Variants in TRIM14 observed in about 807,000 individuals in gnomAD.
TRIM14 encodes the protein tripartite motif containing 14.
TRIM14 carries 28 observed loss-of-function variants against 44.5 expected under a neutral mutation model. The ratio of observed to expected loss-of-function variants is 0.63; its 90% CI spans 0.47 to 0.86. The LOEUF (loss-of-function observed/expected upper bound fraction) is 0.86. Among genes scored for constraint, TRIM14 ranks in the 40% least tolerant of loss-of-function variants. The probability of loss-of-function intolerance (pLI) is 0.00; values close to 1 mark genes in which losing one functional copy is unlikely to be tolerated. For missense variants in TRIM14, 607 were observed against 611.1 expected (o/e 0.99, Z 0.07); for synonymous variants, 299 against 269.2 (o/e 1.11, Z -1.08).
chr9:98,106,960 G>C (rs1826637514), intron 2 of TRIM14, among the ~76,000 whole-genome samples: 1 of 151,708 alleles, frequency 6.6e-6, no homozygotes, highest in Admixed American at 6.6e-5. Flanking sequence ...CTGAGTAGCT[G>C]GGACTACAGG....
chr9:98,117,060 T>C (rs1478140365), intron 1 of TRIM14, among the ~76,000 whole-genome samples: 1 of 152,134 alleles, frequency 6.6e-6, no homozygotes, highest in Non-Finnish European at 1.5e-5. Flanking sequence ...TTCCTGTTAT[T>C]AGATTCCAGC....
intron 3 of TRIM14, among the ~76,000 whole-genome samples, chr9:98,097,807 T>A (rs866181109): frequency 6.6e-6 from 1 of 152,208 alleles, no homozygotes; most frequent in Non-Finnish European, 1.5e-5. Context: ...AGCATGCTTC[T>A]CCATGGAAGG....
chr9:98,050,130 T>C, the TRIM14 span, among the ~76,000 whole-genome samples: 1 of 152,220 alleles, frequency 6.6e-6, no homozygotes, highest in Non-Finnish European at 1.5e-5. Flanking sequence ...CTACATTTGA[T>C]TGGCCCAAAC....
Position 98,085,214 on chromosome 9 carries a change from G to C in TRIM14, c.*2256C>G, listed in dbSNP as rs1397321865. On this transcript the variant is annotated 3_prime_UTR_variant, in exon 6 of 6. Transcript: ENST00000341469. ...CATCATGGGCAGTAGCTCCACGAGA[G>C]GGGCCAGAGCACCAGGCACTGGCCA... 6.6e-6 allele frequency: 1 copy of C among 152,282 alleles called. No homozygotes were observed. The highest frequency in any genetic ancestry group is 1.5e-5 in the Non-Finnish European group (1 of 68,090). The allele number at this position is 152,282 out of a possible 1,614,324, so 9.4% of individuals were successfully genotyped here. A position where few individuals can be genotyped will look rare whatever the true frequency, so the allele number is the denominator to read the frequency against.
chr9:98,056,662 A>C, the TRIM14 span: 1 of 1,212,018 alleles, frequency 8.3e-7, no homozygotes, highest in Non-Finnish European at 1.1e-6. Flanking sequence ...GGCGGGGCCT[A>C]GGGGATTGGC....
the TRIM14 span, among the ~76,000 whole-genome samples, chr9:98,055,946 G>A: frequency 2.0e-5 from 3 of 151,904 alleles, no homozygotes; most frequent in African/African-American, 7.3e-5. Flanking sequence ...CTCCATATTG[G>A]TCAGGCTGGT....
At chr9:98,078,073 G>T in intron 6 of TRIM14, 1 of 1,444,346 alleles carries the variant, frequency 6.9e-7, no homozygotes, top group Non-Finnish European at 9.5e-7. Flanking sequence ...GGCTGGCACA[G>T]TGTTTTAAGA....
At chr9:98,056,766 G>C in the TRIM14 span, 3 of 1,598,338 alleles carry the variant, frequency 1.9e-6, no homozygotes, top group Non-Finnish European at 2.6e-6. Context: ...GGCGGCGGCC[G>C]GACCCAGACT....
At chr9:98,083,199 G>T, downstream of TRIM14, 1 of 751,950 alleles carries the variant, frequency 1.3e-6, no homozygotes, top group South Asian at 1.8e-5. Context: ...GATGTTTCTG[G>T]GCTAGGCCCT....
At chr9:98,081,115 G>A, downstream of TRIM14, 1 of 1,609,642 alleles carries the variant, frequency 6.2e-7, no homozygotes, top group Non-Finnish European at 8.5e-7. Flanking sequence ...CGGTTCTGCT[G>A]CCGTGTGTGG....
intron 2 of TRIM14, among the ~76,000 whole-genome samples, chr9:98,106,667 C>CT (rs1554737694): frequency 6.6e-6 from 1 of 152,068 alleles, no homozygotes. Flanking sequence ...TTACAAAATG[C>CT]TGATGAAAGA....
the TRIM14 span, among the ~76,000 whole-genome samples, chr9:98,054,431 G>A: frequency 6.6e-6 from 1 of 152,148 alleles, no homozygotes. Context: ...AGTAAACCGA[G>A]ACCCCTGAAG....
At chr9:98,118,084 C>T (rs1277122867) in intron 1 of TRIM14, among the ~76,000 whole-genome samples, 2 of 152,038 alleles carry the variant, frequency 1.3e-5, no homozygotes, top group African/African-American at 2.4e-5. Context: ...GAAAGGCTCA[C>T]GATGGGGCTG....
intron 4 of TRIM14, among the ~76,000 whole-genome samples, chr9:98,094,500 G>A (rs1312740829): frequency 4.6e-5 from 7 of 152,216 alleles, no homozygotes; most frequent in South Asian, 4.1e-4. Flanking sequence ...CCAGGTGGGC[G>A]CAGCTGTGCC....
chr9:98,074,142 G>A (rs889994694), intron 6 of TRIM14, among the ~76,000 whole-genome samples: 2 of 152,190 alleles, frequency 1.3e-5, no homozygotes, highest in Non-Finnish European at 2.9e-5. Flanking sequence ...TTGGAACTCA[G>A]CTAAGTTGAT....
chr9:98,036,697 A>G, the TRIM14 span, among the ~76,000 whole-genome samples: 1 of 151,852 alleles, frequency 6.6e-6, no homozygotes, highest in African/African-American at 2.4e-5. Flanking sequence ...CCAGCTACTC[A>G]GGAGGCTGAG....
chr9:98,068,828 TAAAA>T (rs35363398), downstream of TRIM14, among the ~76,000 whole-genome samples: 1 of 143,118 alleles, frequency 7.0e-6, no homozygotes, highest in African/African-American at 2.5e-5. Context: ...ATCCTGTCTC[TAAAA>T]AAAAAAAAAA....
In TRIM14 at chr9:98,119,156, A is replaced by G; in HGVS notation, c.33T>C (p.Pro11=). ...ATCCCTCGACAAGCTCCGACCTCCC[A>G]GGGGTCCGGCTCCCGGTCGCCGCGC... MAGAATGSRT[P]GRSELVEGCG... Residue 11 remains proline, a synonymous_variant, in exon 1 of 6, where the codon CCT becomes CCC. Transcript: ENST00000341469. 1.3e-6 allele frequency: 2 copies of G among 1,582,432 alleles called. No individual in the cohort carries two copies. The highest frequency in any genetic ancestry group is 1.7e-6 in the Non-Finnish European group (2 of 1,174,006).
At chr9:98,058,108 G>T in the TRIM14 span, among the ~76,000 whole-genome samples, 1 of 151,588 alleles carries the variant, frequency 6.6e-6, no homozygotes, top group Non-Finnish European at 1.5e-5. Context: ...GTAGAGATGG[G>T]GTTTGGCCAT....
Sources: allele counts gnomAD v4.1 joint callset (sites outside exome capture counted in the v4.1 genomes callset), GRCh38; gene constraint gnomAD v4.1.1; transcripts MANE v1.5; gene names NCBI Gene and HGNC (gene_info 2026-07-23, HGNC 2026-07-21).